The following DLGAP2 variants were observed in gnomAD, a reference collection of about 807,000 sequenced individuals.
The protein encoded by DLGAP2 is DLG associated protein 2, also known as disks large-associated protein 2.
In DLGAP2, 26 loss-of-function variants were observed where a neutral mutation model predicts 100.3. The ratio of observed to expected loss-of-function variants is 0.26; its 90% CI spans 0.19 to 0.36. The LOEUF (loss-of-function observed/expected upper bound fraction) is 0.36, where lower values mean the gene tolerates loss of function less well. Among genes scored for constraint, DLGAP2 ranks in the 10% least tolerant of loss-of-function variants. The pLI is 1.00. For missense variants in DLGAP2, 1,858 were observed against 1,453.2 expected (o/e 1.28, Z -4.53); for synonymous variants, 886 against 630.1 (o/e 1.41, Z -6.08).
chr8:955,083 G>T (rs1259939505), intron 2 of DLGAP2, among the ~76,000 whole-genome samples: 1 of 151,798 alleles, frequency 6.6e-6, no homozygotes, highest in African/African-American at 2.4e-5. Context: ...GGCCAATATT[G>T]ATCTCTGTGA....
At chr8:1,270,402 T>C (rs951569169) in intron 3 of DLGAP2, among the ~76,000 whole-genome samples, 14 of 152,326 alleles carry the variant, frequency 9.2e-5, no homozygotes, top group East Asian at 7.7e-4. Context: ...CATTGACTTA[T>C]AGGATGCAGA....
At chr8:998,704 A>G (rs1343102018) in intron 2 of DLGAP2, among the ~76,000 whole-genome samples, 1 of 152,122 alleles carries the variant, frequency 6.6e-6, no homozygotes, top group Admixed American at 6.5e-5. Context: ...TTCCTAGGTG[A>G]GAATGCCTGC....
chr8:748,649 G>T (rs1820713873), intron 1 of DLGAP2, among the ~76,000 whole-genome samples: 1 of 152,200 alleles, frequency 6.6e-6, no homozygotes, highest in African/African-American at 2.4e-5. Context: ...ATCCAGCCCT[G>T]CGGTGCTGTG....
intron 4 of DLGAP2, among the ~76,000 whole-genome samples, chr8:1,513,272 G>A (rs541489913): frequency 1.4e-5 from 2 of 145,078 alleles, no homozygotes; most frequent in African/African-American, 2.5e-5. Flanking sequence ...GCCAGCTCCA[G>A]GGAGGCTCGG....
At chr8:771,168 C>T (rs1045881105) in intron 1 of DLGAP2, among the ~76,000 whole-genome samples, 1 of 152,138 alleles carries the variant, frequency 6.6e-6, no homozygotes, top group Non-Finnish European at 1.5e-5. Context: ...CTAACATTTC[C>T]ATAAACTCTA....
chr8:1,246,704 A>C (rs144671094), intron 2 of DLGAP2: 1 of 152,300 alleles, frequency 6.6e-6, no homozygotes, highest in African/African-American at 2.4e-5. Context: ...GAGGTTGAGC[A>C]TAAACCACTG....
At chr8:1,631,003 G>A (rs891925523) in intron 7 of DLGAP2, among the ~76,000 whole-genome samples, 8 of 150,722 alleles carry the variant, frequency 5.3e-5, no homozygotes, top group East Asian at 2.0e-4. Flanking sequence ...CGAGGGTCTC[G>A]GCGGGAGGTC....
intron 8 of DLGAP2, among the ~76,000 whole-genome samples, chr8:1,651,211 A>G (rs1798155179): frequency 6.6e-6 from 1 of 152,228 alleles, no homozygotes; most frequent in Non-Finnish European, 1.5e-5. Flanking sequence ...AAGGGCCAGG[A>G]CTGAAGCAAG....
intron 6 of DLGAP2, among the ~76,000 whole-genome samples, chr8:1,569,925 G>A (rs1381431973): frequency 6.6e-6 from 1 of 152,132 alleles, no homozygotes; most frequent in African/African-American, 2.4e-5. Context: ...TCTGTGGAGG[G>A]CAGGGTAGAT....
intron 2 of DLGAP2, among the ~76,000 whole-genome samples, chr8:943,359 G>C (rs373131291): frequency 6.6e-6 from 1 of 152,228 alleles, no homozygotes; most frequent in African/African-American, 2.4e-5. Flanking sequence ...TTGAAATCCA[G>C]TGTGTATTTT....
intron 2 of DLGAP2, among the ~76,000 whole-genome samples, chr8:1,083,031 A>C (rs775461709): frequency 2.8e-4 from 43 of 152,222 alleles, no homozygotes; most frequent in Non-Finnish European, 4.6e-4. Flanking sequence ...ACAGTTAATT[A>C]CTTAGTTATA....
rs1482697054 is a variant in DLGAP2 at position 788,284 on chromosome 8, C to T, written c.18+50459C>T. Reference sequence around the variant, plus strand: ...TTTCTGGGGCATCGATATCCATACCCATGTGGTCTGGTCGAGATAGCAGCA... The same window carrying T: ...TTTCTGGGGCATCGATATCCATACCTATGTGGTCTGGTCGAGATAGCAGCA... On this transcript the variant is annotated intron_variant, in intron 1 of 14. Transcript: ENST00000637795. Among the ~76,000 whole-genome samples the T allele has an allele frequency of 2.6e-5, 4 of 152,240 alleles. No individual in the cohort carries two copies. In the East Asian group the frequency reaches 5.8e-4, roughly 22 times the overall value.
At chr8:1,387,664 G>C (rs547888158) in intron 3 of DLGAP2, among the ~76,000 whole-genome samples, 1 of 152,326 alleles carries the variant, frequency 6.6e-6, no homozygotes, top group South Asian at 2.1e-4. Flanking sequence ...GGAAGAAATA[G>C]GCACTAAGTT....
intron 2 of DLGAP2, among the ~76,000 whole-genome samples, chr8:1,065,585 C>G (rs956995309): frequency 2.6e-5 from 4 of 152,190 alleles, no homozygotes; most frequent in African/African-American, 9.7e-5. Context: ...TTAAGAATGA[C>G]ATTGTTAATT....
At chr8:1,129,858 G>A (rs1468689748) in intron 2 of DLGAP2, among the ~76,000 whole-genome samples, 2 of 152,068 alleles carry the variant, frequency 1.3e-5, no homozygotes, top group African/African-American at 4.8e-5. Context: ...CGTGGGCCTT[G>A]GACCCCCAGG....
intron 10 of DLGAP2, among the ~76,000 whole-genome samples, chr8:1,670,376 T>C (rs1798660445): frequency 6.6e-6 from 1 of 152,144 alleles, no homozygotes; most frequent in Non-Finnish European, 1.5e-5. Context: ...CTCCCACCCC[T>C]GGCATGGCAG....
At chr8:1,603,361 G>T (rs577143435) in intron 6 of DLGAP2, among the ~76,000 whole-genome samples, 2 of 150,408 alleles carry the variant, frequency 1.3e-5, no homozygotes, top group African/African-American at 2.5e-5. Context: ...TTCCATAGAG[G>T]CTGGTTAGAA....
intron 2 of DLGAP2, among the ~76,000 whole-genome samples, chr8:1,076,010 G>A (rs1485186464): frequency 6.6e-6 from 1 of 152,196 alleles, no homozygotes; most frequent in South Asian, 2.1e-4. Flanking sequence ...AGAGCAATTG[G>A]AAGATGCATT....
At chr8:1,183,099 C>T (rs1262889041) in intron 2 of DLGAP2, among the ~76,000 whole-genome samples, 2 of 152,080 alleles carry the variant, frequency 1.3e-5, no homozygotes, top group African/African-American at 2.4e-5. Context: ...GACACAAATG[C>T]ATTCACGTTC....
Sources: gnomAD v4.1 joint callset for allele counts (sites outside exome capture counted in the v4.1 genomes callset) on GRCh38, gnomAD v4.1.1 for gene constraint, MANE v1.5 for transcripts, NCBI Gene and HGNC (gene_info 2026-07-23, HGNC 2026-07-21) for gene names.